Variants in COL4A4 observed in about 807,000 individuals in gnomAD.
The protein encoded by COL4A4 is collagen type IV alpha 4 chain.
COL4A4 carries 105 observed loss-of-function variants against 192.9 expected under a neutral mutation model. That is an observed-to-expected ratio of 0.54 (90% CI 0.46 to 0.64). The LOEUF (loss-of-function observed/expected upper bound fraction) is 0.64, where lower values mean the gene tolerates loss of function less well. Ranked by LOEUF, COL4A4 falls within the 30% of genes least tolerant of loss-of-function variation. COL4A4 has a pLI of 0.00. For missense variants in COL4A4, 1,967 were observed against 2,169.3 expected (o/e 0.91, Z 1.85); for synonymous variants, 762 against 769.9 (o/e 0.99, Z 0.17).
In COL4A4 at chr2:227,006,921, C is replaced by G. The variant is rs2149710599; in HGVS notation, c.*404G>C. 5.6e-6 allele frequency: 1 copy of G among 179,802 alleles called. No individual in the cohort carries two copies. The highest frequency in any genetic ancestry group is 5.4e-5 in the Admixed American group (1 of 18,558). 11.1% of individuals were successfully genotyped at this position (179,802 alleles called of 1,614,324 possible). ...ACCTGTTTATTTTTTCCTATAAAAT[C>G]CATCCAGAAGCCCACTGTATTATAG... On this transcript the variant is annotated 3_prime_UTR_variant, in exon 48 of 48. Coordinates refer to ENST00000396625, the MANE Select transcript of COL4A4 (RefSeq NM_000092.5).
the COL4A4 span, among the ~76,000 whole-genome samples, chr2:226,968,357 G>A: frequency 2.0e-5 from 3 of 152,204 alleles, no homozygotes; most frequent in Non-Finnish European, 2.9e-5. Flanking sequence ...GTCAGGAAGG[G>A]TGAGCAGGAA....
intron 9 of COL4A4, among the ~76,000 whole-genome samples, chr2:227,110,680 CTT>C (rs34785989): frequency 0.024 from 2,254 of 94,240 alleles, 61 homozygotes; most frequent in African/African-American, 0.09. Context: ...CTCACCCAGT[CTT>C]TTTTTTTTTT....
chr2:227,008,708 T>C (rs998723209), intron 46 of COL4A4, among the ~76,000 whole-genome samples: 10 of 152,176 alleles, frequency 6.6e-5, no homozygotes, highest in African/African-American at 2.2e-4. Flanking sequence ...ACTTGAAATA[T>C]GAAGAGGATT....
rs913419853 is a variant in COL4A4 at position 227,042,353 on chromosome 2, A to G, written c.3398-98T>C. ...GTTCTTAATATATGGGTAACGGAGA[A>G]CACTGTCTAATTACTTTTTCTTCCT... On this transcript the variant is annotated intron_variant, in intron 36 of 47. Transcript: ENST00000396625. 4 of 727,426 alleles carry G rather than the reference A, an allele frequency of 5.5e-6. No individual in the cohort carries two copies. In the Admixed American group the frequency reaches 6.0e-5, roughly 11 times the overall value. The allele number at this position is 727,426 out of a possible 1,614,324, so 45.1% of individuals were successfully genotyped here.
chr2:226,972,472 C>T, the COL4A4 span, among the ~76,000 whole-genome samples: 1 of 152,170 alleles, frequency 6.6e-6, no homozygotes. Flanking sequence ...GGGGTCTGCC[C>T]ATATGAGTGG....
the COL4A4 span, chr2:226,996,672 T>C: frequency 6.6e-6 from 1 of 152,236 alleles, no homozygotes; most frequent in Non-Finnish European, 1.5e-5. Flanking sequence ...GGCAAACATC[T>C]GGAAAGAAAT....
chr2:227,121,523 C>T (rs897001416), intron 4 of COL4A4, among the ~76,000 whole-genome samples: 1 of 141,490 alleles, frequency 7.1e-6, no homozygotes, highest in African/African-American at 2.8e-5. Flanking sequence ...GATCGCACCA[C>T]TGCACTACAG....
In COL4A4 at chr2:227,022,110, G is replaced by C. The variant is rs1284160579; in HGVS notation, c.4154C>G (p.Pro1385Arg). The change falls in exon 44 of 48, where the codon CCA (proline) becomes CGA (arginine). Residue 1385 changes from proline to arginine, a missense_variant. Coordinates refer to ENST00000396625, the MANE Select transcript of COL4A4 (RefSeq NM_000092.5). ...CPRIPGLPGA[P>R]GMRGPEGAMG... ...GGCTCCTTCTGGTCCTCTCATGCCT[G>C]GCGCCCCAGGAAGGCCTGGGATTCG... is the stretch of plus-strand genomic sequence containing the variant. 1.2e-6 allele frequency: 2 copies of C among 1,613,996 alleles called. No homozygotes were observed. Among genetic ancestry groups the C allele is most frequent in the African/African-American group, 2.7e-5 (2 of 74,898 alleles).
rs1244937877 is a variant in COL4A4 at position 227,051,069 on chromosome 2, T to C, written c.3058A>G (p.Lys1020Glu). 1.2e-6 allele frequency: 2 copies of C among 1,614,036 alleles called. No individual in the cohort carries two copies. Among genetic ancestry groups the C allele is most frequent in the Non-Finnish European group, 1.7e-6 (2 of 1,180,034 alleles). The change falls in exon 33 of 48, where the codon AAA becomes GAA. Residue 1020 changes from lysine (K) to glutamate (E), a missense_variant. By Grantham distance (56) the Lys-to-Glu change is moderately conservative (BLOSUM62 1). Coordinates refer to ENST00000396625, the MANE Select transcript of COL4A4 (RefSeq NM_000092.5). ...GGTCCAGGAGGCCCTGGCTGACCTT[T>C]CTCACCAGGTTCCCCTCTGTGAAAT... ...PGFHRGEPGE[K>E]GQPGPPGPPG...
At chr2:227,106,732 ATT>A (rs1204806648) in intron 12 of COL4A4, among the ~76,000 whole-genome samples, 1 of 152,058 alleles carries the variant, frequency 6.6e-6, no homozygotes, top group African/African-American at 2.4e-5. Context: ...TGCCCGGCTA[ATT>A]TTTGTATTTT....
At chr2:227,079,816 T>C (rs1028133241) in intron 24 of COL4A4, among the ~76,000 whole-genome samples, 1 of 152,240 alleles carries the variant, frequency 6.6e-6, no homozygotes, top group Non-Finnish European at 1.5e-5. Flanking sequence ...TGTGATATTG[T>C]AAGCATTCAG....
downstream of COL4A4, among the ~76,000 whole-genome samples, chr2:227,000,128 G>C (rs1960549746): frequency 6.6e-6 from 1 of 152,200 alleles, no homozygotes; most frequent in South Asian, 2.1e-4. Flanking sequence ...CTTAGTAGCA[G>C]ATAATTATTA....
chr2:227,048,462 T>G (rs1973361563), intron 34 of COL4A4, among the ~76,000 whole-genome samples: 1 of 152,192 alleles, frequency 6.6e-6, no homozygotes, highest in Non-Finnish European at 1.5e-5. Flanking sequence ...GCTGTCCTGA[T>G]GTAGAACATA....
intron 13 of COL4A4, among the ~76,000 whole-genome samples, chr2:227,103,615 T>A (rs2060648522): frequency 6.6e-6 from 1 of 152,250 alleles, no homozygotes; most frequent in South Asian, 2.1e-4. Context: ...ATGCATTTGT[T>A]ACCTTCTCAA....
chr2:227,041,688 CAG>C (rs569887036), intron 37 of COL4A4, among the ~76,000 whole-genome samples: 111 of 100,458 alleles, frequency 1.1e-3, no homozygotes, highest in Admixed American at 1.8e-3. Context: ...GAAAGAAAGA[CAG>C]AGAGAGAGAG....
At chr2:227,059,194 C>T (rs746301593) in intron 28 of COL4A4, among the ~76,000 whole-genome samples, 15 of 152,182 alleles carry the variant, frequency 9.9e-5, no homozygotes, top group Non-Finnish European at 1.8e-4. Flanking sequence ...CAGTGAGCTG[C>T]CCTGCATTTG....
rs986184999 is a variant in COL4A4, at chr2:227,026,564, A to T, written c.4082-754T>A. 2.0e-5 allele frequency among the ~76,000 whole-genome samples: 3 copies of T among 152,336 alleles called. No individual in the cohort carries two copies. The East Asian group carries it at 5.8e-4, about 29-fold the overall frequency. ...CCTCCTGTCCTATGATACATCATAA[A>T]GCAGTGCTATTTATTTATTCTTTGG... On this transcript the variant is annotated intron_variant, in intron 42 of 47. Coordinates refer to ENST00000396625, the MANE Select transcript of COL4A4 (RefSeq NM_000092.5).
intron 41 of COL4A4, 142 bp from the exon 42 acceptor site, chr2:227,028,151 C>T: frequency 2.9e-6 from 2 of 681,198 alleles, no homozygotes; most frequent in East Asian, 5.4e-5. Context: ...TTAGCCTCGC[C>T]TTCTTCTGTG....
intron 25 of COL4A4, among the ~76,000 whole-genome samples, chr2:227,064,723 T>G (rs1016294461): frequency 6.6e-6 from 1 of 152,232 alleles, no homozygotes; most frequent in African/African-American, 2.4e-5. Flanking sequence ...GGGATTGGCA[T>G]CCTATCTTCA....
Sources: gnomAD v4.1 joint callset for allele counts (sites outside exome capture counted in the v4.1 genomes callset) on GRCh38, gnomAD v4.1.1 for gene constraint, MANE v1.5 for transcripts, NCBI Gene and HGNC (gene_info 2026-07-23, HGNC 2026-07-21) for gene names.